The following B3GALT1 variants were observed in gnomAD, a reference collection of about 807,000 sequenced individuals.
B3GALT1 encodes UDP-Gal:betaGlcNAc beta 1,3-galactosyltransferase, polypeptide 1.
In B3GALT1, 10 loss-of-function variants were observed where a neutral mutation model predicts 23.2. The observed-to-expected ratio is 0.43, with a 90% CI of 0.27 to 0.73. The LOEUF is 0.73. B3GALT1 is among the 30% of genes least tolerant of loss of function. The probability of loss-of-function intolerance (pLI) is 0.21; values close to 1 mark genes in which losing one functional copy is unlikely to be tolerated. For missense variants in B3GALT1, 299 were observed against 405.4 expected, an observed-to-expected ratio of 0.74 and a Z score of 2.25; for synonymous variants, 156 against 141.5, an observed-to-expected ratio of 1.10 and a Z score of -0.73.
In B3GALT1 at chr2:167,494,841, A is replaced by G. The variant is rs113822337; in HGVS notation, c.-410+4564A>G. On this transcript the variant is annotated intron_variant, in intron 2 of 4. Coordinates refer to ENST00000392690, the MANE Select transcript of B3GALT1 (RefSeq NM_020981.4). Reference sequence around the variant, plus strand: ...GAATCATTTGGGAGACATTTTGAAAACATAGCTTTCTTACAAAAGCTAGAC... The same window carrying G: ...GAATCATTTGGGAGACATTTTGAAAGCATAGCTTTCTTACAAAAGCTAGAC... Among the ~76,000 whole-genome samples the G allele has an allele frequency of 9.2e-5, 14 of 152,280 alleles. 1 individual carries two copies. Among genetic ancestry groups the G allele is most frequent in the African/African-American group, 3.4e-4 (14 of 41,578 alleles).
rs1456618601 is a variant in B3GALT1, at chr2:167,539,947, C to G, written c.-410+49670C>G. ...TCTCTCTAACAGTTAAAAAATAACTCTATTCCTTCAGGAGAAAAGGCATAC... is the reference window on the plus strand; with the variant it reads ...TCTCTCTAACAGTTAAAAAATAACTGTATTCCTTCAGGAGAAAAGGCATAC... On this transcript the variant is annotated intron_variant, in intron 2 of 4. Coordinates refer to ENST00000392690, the MANE Select transcript of B3GALT1 (RefSeq NM_020981.4). Among the ~76,000 whole-genome samples the G allele has an allele frequency of 2.6e-5, 4 of 152,120 alleles. No individual in the cohort carries two copies. In the East Asian group the frequency reaches 7.7e-4, roughly 29 times the overall value.
intron 1 of B3GALT1, among the ~76,000 whole-genome samples, chr2:167,438,403 T>G (rs1698819530): frequency 6.6e-6 from 1 of 152,170 alleles, no homozygotes; most frequent in African/African-American, 2.4e-5. Flanking sequence ...AAGGCTGTGA[T>G]TGGTGAATGA....
intron 3 of B3GALT1, among the ~76,000 whole-genome samples, chr2:167,664,296 G>C (rs563668312): frequency 2.0e-5 from 3 of 151,404 alleles, no homozygotes; most frequent in African/African-American, 2.5e-5. Context: ...ATTTCTGAGG[G>C]CTCTGTTCTG....
At chr2:167,369,660 G>A (rs368026801) in intron 1 of B3GALT1, among the ~76,000 whole-genome samples, 11 of 152,274 alleles carry the variant, frequency 7.2e-5, no homozygotes, top group Admixed American at 3.3e-4. Context: ...AGTACATTAA[G>A]TGGGGGAAAT....
At chr2:167,589,348 G>A (rs1000885109) in intron 2 of B3GALT1, among the ~76,000 whole-genome samples, 1 of 151,988 alleles carries the variant, frequency 6.6e-6, no homozygotes, top group African/African-American at 2.4e-5. Flanking sequence ...GTACATATTA[G>A]TCTTTTTCTT....
Position 167,321,019 on chromosome 2 carries a change from G to T in B3GALT1, c.-511+27685G>T, listed in dbSNP as rs112048652. Among the ~76,000 whole-genome samples, 45 of 152,050 alleles carry T rather than the reference G, an allele frequency of 3.0e-4. 1 individual carries two copies. The highest frequency in any genetic ancestry group is 1.1e-3 in the African/African-American group (44 of 41,542). ...GGAAATCATTCAGAAGACTTTAAAA[G>T]AAAATGAACTTTGTTTGAAAAGTTA... On this transcript the variant is annotated intron_variant, in intron 1 of 4. Coordinates refer to ENST00000392690, the MANE Select transcript of B3GALT1 (RefSeq NM_020981.4).
intron 2 of B3GALT1, among the ~76,000 whole-genome samples, chr2:167,626,836 C>T (rs1685355672): frequency 6.6e-6 from 1 of 151,650 alleles, no homozygotes; most frequent in South Asian, 2.1e-4. Flanking sequence ...ACAGCAGAGA[C>T]TCTTGGGATT....
At chr2:167,393,400 A>G (rs1331087703) in intron 1 of B3GALT1, among the ~76,000 whole-genome samples, 2 of 151,912 alleles carry the variant, frequency 1.3e-5, no homozygotes, top group Non-Finnish European at 2.9e-5. Context: ...TGTGGATGCT[A>G]AGAGGAGGGA....
At chr2:167,387,022 TATC>T (rs2105279831) in intron 1 of B3GALT1, among the ~76,000 whole-genome samples, 1 of 152,282 alleles carries the variant, frequency 6.6e-6, no homozygotes, top group East Asian at 1.9e-4. Flanking sequence ...CATCATATCA[TATC>T]ATATCATTTC....
chr2:167,776,948 T>TGC (rs1205259382), intron 3 of B3GALT1, among the ~76,000 whole-genome samples: 3 of 152,198 alleles, frequency 2.0e-5, no homozygotes, highest in Admixed American at 2.0e-4. Flanking sequence ...TCTCTGTGTG[T>TGC]ACACAGGCTA....
chr2:167,860,174 G>A (rs987039589), intron 4 of B3GALT1, among the ~76,000 whole-genome samples: 1 of 152,158 alleles, frequency 6.6e-6, no homozygotes, highest in Admixed American at 6.5e-5. Context: ...TGCAATTTGA[G>A]TTTCTGTTTT....
At chr2:167,616,995 T>C (rs1364863226) in intron 2 of B3GALT1, among the ~76,000 whole-genome samples, 1 of 152,082 alleles carries the variant, frequency 6.6e-6, no homozygotes, top group Non-Finnish European at 1.5e-5. Flanking sequence ...CAAACAATGG[T>C]CTATTATAAA....
chr2:167,700,253 A>G (rs937698409), intron 3 of B3GALT1, among the ~76,000 whole-genome samples: 1 of 152,186 alleles, frequency 6.6e-6, no homozygotes, highest in Non-Finnish European at 1.5e-5. Context: ...CAAAAAATAA[A>G]TAAATAAAAT....
chr2:167,757,009 C>G (rs1469154246), intron 3 of B3GALT1, among the ~76,000 whole-genome samples: 9 of 152,160 alleles, frequency 5.9e-5, no homozygotes, highest in Non-Finnish European at 8.8e-5. Flanking sequence ...TACCTCTCCT[C>G]CACTTCTCAA....
chr2:167,528,576 G>A (rs972355509), intron 2 of B3GALT1, among the ~76,000 whole-genome samples: 1 of 152,220 alleles, frequency 6.6e-6, no homozygotes, highest in Non-Finnish European at 1.5e-5. Context: ...ATGGTTGCAT[G>A]ACATTAGACA....
chr2:167,533,507 A>G (rs1213564786), intron 2 of B3GALT1, among the ~76,000 whole-genome samples: 2 of 152,044 alleles, frequency 1.3e-5, no homozygotes, highest in African/African-American at 4.8e-5. Context: ...GGCAAACCCA[A>G]TTGTCATGAT....
chr2:167,669,487 T>C (rs959639686), intron 3 of B3GALT1, among the ~76,000 whole-genome samples: 1 of 152,138 alleles, frequency 6.6e-6, no homozygotes, highest in Non-Finnish European at 1.5e-5. Context: ...AATTTCCCAG[T>C]GTGAAATATG....
At chr2:167,435,981 A>G (rs866535416) in intron 1 of B3GALT1, among the ~76,000 whole-genome samples, 7 of 103,046 alleles carry the variant, frequency 6.8e-5, no homozygotes, top group East Asian at 4.8e-4. Flanking sequence ...ACACACACAC[A>G]CGCACACACA....
intron 1 of B3GALT1, among the ~76,000 whole-genome samples, chr2:167,340,491 T>A (rs1697130797): frequency 6.6e-6 from 1 of 152,044 alleles, no homozygotes; most frequent in African/African-American, 2.4e-5. Flanking sequence ...ACCAAAAAAA[T>A]AGTTAAATTT....
Sources: gnomAD v4.1 joint callset for allele counts (sites outside exome capture counted in the v4.1 genomes callset) on GRCh38, gnomAD v4.1.1 for gene constraint, MANE v1.5 for transcripts, NCBI Gene and HGNC (gene_info 2026-07-23, HGNC 2026-07-21) for gene names.